Variants in ANP32A observed in about 807,000 individuals in gnomAD.
ANP32A encodes acidic leucine-rich nuclear phosphoprotein 32 family member A.
In ANP32A, 1 loss-of-function variant was observed where a neutral mutation model predicts 33.9. The ratio of observed to expected loss-of-function variants is 0.03; its 90% CI spans 0.01 to 0.14. ANP32A has a LOEUF of 0.14. Among genes scored for constraint, ANP32A ranks in the 10% least tolerant of loss-of-function variants. ANP32A has a pLI of 1.00. For synonymous variants in ANP32A, 115 were observed against 120.5 expected (o/e 0.95, Z 0.30); for missense variants, 155 against 306.0 (o/e 0.51, Z 3.68).
At chr15:68,807,740 G>C (rs1156946404) in intron 1 of ANP32A, among the ~76,000 whole-genome samples, 1 of 152,212 alleles carries the variant, frequency 6.6e-6, no homozygotes, top group Non-Finnish European at 1.5e-5. Flanking sequence ...TCACAGATGT[G>C]GCAACTGAGG....
chr15:68,820,685 G>C lies in ANP32A; in HGVS notation c.54+13C>G. 1.9e-6 allele frequency: 3 copies of C among 1,599,292 alleles called. No homozygotes were observed. Among genetic ancestry groups the C allele is most frequent in the East Asian group, 2.3e-5 (1 of 44,002 alleles). ...AGAATGGACCGACAGAGATATTTTT[G>C]GCAAATGCTCACATCAGAGGGCGTC... On this transcript the variant is annotated intron_variant, in intron 1 of 6. Transcript: ENST00000465139.
In ANP32A at chr15:68,780,529, G is replaced by A; in HGVS notation, c.625-56C>T. The stretch of plus-strand genomic sequence containing the variant: ...GAAATGCCCTGCCTTGGGACATGCT[G>A]AGGAAGCCACACAGAGCACAAAAAG... On this transcript the variant is annotated intron_variant, in intron 5 of 6. Transcript: ENST00000465139. The surrounding 1 kb of genome is among the most constrained non-coding windows in gnomAD (Gnocchi z 4.3). 1.2e-6 allele frequency: 2 copies of A among 1,609,938 alleles called. No individual in the cohort carries two copies. Among genetic ancestry groups the A allele is most frequent in the Admixed American group, 3.4e-5 (2 of 59,436 alleles).
chr15:68,800,107 TAA>T (rs1894111030), intron 1 of ANP32A, among the ~76,000 whole-genome samples: 8 of 152,250 alleles, frequency 5.3e-5, no homozygotes, highest in African/African-American at 1.4e-4. Flanking sequence ...GCTTCATACA[TAA>T]AGAGTGCTGG....
At position 68,782,940 on chromosome 15, in the gene ANP32A, A is replaced by T. The variant is rs1220073056; in HGVS notation, c.624+16T>A. On this transcript the variant is annotated intron_variant, in intron 5 of 6. Coordinates refer to ENST00000465139, the MANE Select transcript of ANP32A (RefSeq NM_006305.4). ...AAAGGGGCAGACGGTGGCCCTGCCC[A>T]GCCCAGCCTCCTTACCTCCTCCTCT... The T allele has an allele frequency of 6.4e-7, 1 of 1,551,452 alleles. No individual in the cohort carries two copies. Among genetic ancestry groups the T allele is most frequent in the Non-Finnish European group, 8.7e-7 (1 of 1,146,794 alleles).
At chr15:68,807,485 C>A (rs983341569) in intron 1 of ANP32A, among the ~76,000 whole-genome samples, 3 of 149,218 alleles carry the variant, frequency 2.0e-5, no homozygotes, top group Non-Finnish European at 4.5e-5. Flanking sequence ...CTCCGCTTCA[C>A]AGCTCCAGGC....
intron 1 of ANP32A, among the ~76,000 whole-genome samples, chr15:68,800,175 T>G (rs1249281158): frequency 1.3e-5 from 2 of 152,216 alleles, no homozygotes; most frequent in Non-Finnish European, 2.9e-5. Context: ...AAGAGAGCTC[T>G]GAGTCTTTTC....
intron 3 of ANP32A, among the ~76,000 whole-genome samples, chr15:68,786,807 C>T (rs1275177262): frequency 6.6e-6 from 1 of 152,116 alleles, no homozygotes. Flanking sequence ...AGCAGAGGAG[C>T]CAGAAATGCT....
intron 1 of ANP32A, among the ~76,000 whole-genome samples, chr15:68,788,533 C>T (rs1208774029): frequency 2.0e-5 from 3 of 152,348 alleles, no homozygotes; most frequent in Non-Finnish European, 2.9e-5. Flanking sequence ...CCTTCAAGGA[C>T]GGAAACGGTC....
At chr15:68,786,671 T>C (rs1395090193) in intron 3 of ANP32A, among the ~76,000 whole-genome samples, 2 of 152,202 alleles carry the variant, frequency 1.3e-5, no homozygotes, top group African/African-American at 4.8e-5. Context: ...GCTGATTTCC[T>C]TAAAATCAAA....
intron 1 of ANP32A, among the ~76,000 whole-genome samples, chr15:68,804,467 C>T (rs976474186): frequency 3.2e-4 from 49 of 152,234 alleles, no homozygotes; most frequent in Non-Finnish European, 6.5e-4. Context: ...CATGAACAAA[C>T]AGTTAAAAAC....
chr15:68,796,462 G>A (rs777939309), intron 1 of ANP32A, among the ~76,000 whole-genome samples: 2 of 152,164 alleles, frequency 1.3e-5, no homozygotes, highest in Non-Finnish European at 2.9e-5. Context: ...TGATCCACCT[G>A]TCTCCACCTC....
chr15:68,799,235 A>C (rs1310611099), intron 1 of ANP32A, among the ~76,000 whole-genome samples: 1 of 152,212 alleles, frequency 6.6e-6, no homozygotes, highest in Admixed American at 6.5e-5. Flanking sequence ...GAAAGCAAGG[A>C]AACTATGGGG....
chr15:68,801,524 A>T (rs1894135829), intron 1 of ANP32A, among the ~76,000 whole-genome samples: 1 of 152,054 alleles, frequency 6.6e-6, no homozygotes, highest in Non-Finnish European at 1.5e-5. Flanking sequence ...ACCCAATGAG[A>T]TCATGGGTAA....
chr15:68,780,008 G>C lies in ANP32A; in HGVS notation c.*73C>G. The C allele has an allele frequency of 1.5e-6, 1 of 659,052 alleles. No homozygotes were observed. The highest frequency in any genetic ancestry group is 2.1e-6 in the Non-Finnish European group (1 of 471,670). 40.8% of individuals were successfully genotyped at this position (659,052 alleles called of 1,614,324 possible). A position where few individuals can be genotyped will look rare whatever the true frequency, so the allele number is the denominator to read the frequency against. On this transcript the variant is annotated 3_prime_UTR_variant, in exon 7 of 7. Coordinates refer to ENST00000465139, the MANE Select transcript of ANP32A (RefSeq NM_006305.4). This position sits in a 1 kb window ranked among gnomAD's most constrained non-coding sequence, Gnocchi z 4.3. ...ATAAGTTTCAGGGGGCAGGATTGGA[G>C]GGGGGGGGGAGAGGGGATATGGGTA...
chr15:68,818,162 T>G (rs920566550), intron 1 of ANP32A: 1 of 162,232 alleles, frequency 6.2e-6, no homozygotes, highest in Non-Finnish European at 1.3e-5. Context: ...CCGCGCCACA[T>G]GGAGCCCGGA....
At chr15:68,802,248 T>C (rs555939597) in intron 1 of ANP32A, among the ~76,000 whole-genome samples, 1 of 152,346 alleles carries the variant, frequency 6.6e-6, no homozygotes, top group South Asian at 2.1e-4. Context: ...CCTCCTATCT[T>C]ATCCTCTGTC....
At chr15:68,806,039 AC>A (rs1894217438) in intron 1 of ANP32A, among the ~76,000 whole-genome samples, 1 of 152,318 alleles carries the variant, frequency 6.6e-6, no homozygotes, top group Admixed American at 6.5e-5. Context: ...TTCCAATCTT[AC>A]ACCTTCATTT....
chr15:68,799,128 A>C (rs1194814986), intron 1 of ANP32A, among the ~76,000 whole-genome samples: 3 of 152,242 alleles, frequency 2.0e-5, no homozygotes, highest in Non-Finnish European at 4.4e-5. Context: ...ATGTATGGCA[A>C]AAATTATTAG....
At chr15:68,815,556 T>C (rs1291661415) in intron 1 of ANP32A, among the ~76,000 whole-genome samples, 3 of 152,226 alleles carry the variant, frequency 2.0e-5, no homozygotes, top group Non-Finnish European at 4.4e-5. Context: ...TCTTAGCTCA[T>C]GACTGTACAA....
Sources: allele counts gnomAD v4.1 joint callset (sites outside exome capture counted in the v4.1 genomes callset), GRCh38; gene constraint gnomAD v4.1.1; non-coding constraint Gnocchi (gnomAD v3.1); transcripts MANE v1.5; gene names NCBI Gene and HGNC (gene_info 2026-07-23, HGNC 2026-07-21).